Variants in PRKN observed in about 807,000 individuals in gnomAD.
The protein encoded by PRKN is E3 ubiquitin-protein ligase parkin.
Under a neutral mutation model 59.5 loss-of-function variants are expected in PRKN, and 56 were observed. The observed-to-expected ratio is 0.94, with a 90% CI of 0.76 to 1.18. The LOEUF (loss-of-function observed/expected upper bound fraction) is 1.18. Among genes scored for constraint, PRKN ranks in the 50% most tolerant of loss-of-function variants. PRKN has a pLI of 0.00. For missense variants in PRKN, 657 were observed against 596.4 expected (o/e 1.10, Z -1.06); for synonymous variants, 250 against 222.1 (o/e 1.13, Z -1.12).
chr6:162,516,055 C>A (rs189640110), intron 1 of PRKN, among the ~76,000 whole-genome samples: 64 of 152,314 alleles, frequency 4.2e-4, no homozygotes, highest in South Asian at 1.7e-3. Flanking sequence ...GCTAATGCAG[C>A]GATTGCTGTG....
At chr6:161,501,975 C>T (rs148712482) in intron 9 of PRKN, among the ~76,000 whole-genome samples, 138 of 152,250 alleles carry the variant, frequency 9.1e-4, no homozygotes, top group African/African-American at 3.2e-3. Flanking sequence ...TTCTAAGATG[C>T]GCTGTCAGTG....
chr6:161,984,545 A>C (rs1781366393), intron 5 of PRKN, among the ~76,000 whole-genome samples: 1 of 151,988 alleles, frequency 6.6e-6, no homozygotes, highest in Admixed American at 6.6e-5. Context: ...AGCCACCCTA[A>C]TCCCTGGCTG....
chr6:161,421,343 T>C (rs1027193735), intron 9 of PRKN, among the ~76,000 whole-genome samples: 7 of 152,196 alleles, frequency 4.6e-5, no homozygotes, highest in East Asian at 1.9e-4. Flanking sequence ...TGAGTAGATA[T>C]AGAATTTCCA....
chr6:162,549,612 A>G (rs1199415921), intron 1 of PRKN, among the ~76,000 whole-genome samples: 1 of 151,740 alleles, frequency 6.6e-6, no homozygotes, highest in Non-Finnish European at 1.5e-5. Flanking sequence ...TAGAAAGACA[A>G]AACTAATAGT....
intron 6 of PRKN, among the ~76,000 whole-genome samples, chr6:161,900,910 T>TTA (rs377407497): frequency 0.091 from 12,620 of 138,636 alleles, 800 homozygotes; most frequent in African/African-American, 0.17. Context: ...ATATGTTAAA[T>TTA]TGTATATATA....
chr6:161,878,072 A>T (rs529557260), intron 6 of PRKN, among the ~76,000 whole-genome samples: 19 of 152,206 alleles, frequency 1.2e-4, no homozygotes, highest in Non-Finnish European at 2.4e-4. Context: ...TGTGTCAAAG[A>T]GCCATGGATT....
intron 2 of PRKN, among the ~76,000 whole-genome samples, chr6:162,339,271 G>A (rs1391241651): frequency 5.0e-4 from 70 of 140,840 alleles, no homozygotes; most frequent in African/African-American, 1.8e-3. Context: ...CCGGCCAGCC[G>A]CCCCGTCCGG....
intron 3 of PRKN, among the ~76,000 whole-genome samples, chr6:162,207,321 G>A (rs940792269): frequency 2.0e-5 from 3 of 152,096 alleles, no homozygotes; most frequent in Non-Finnish European, 4.4e-5. Flanking sequence ...GAAGTGAGCT[G>A]AGATCCCATC....
chr6:161,369,379 G>A lies in PRKN; in HGVS notation c.1168-9174C>T, dbSNP rs576322763. Reference sequence around the variant, plus strand: ...GGGTTGCGAGGGGCGGGAGGTTTGGGAACCATTCATCCTCTGGAGGGCGAT... The same window carrying A: ...GGGTTGCGAGGGGCGGGAGGTTTGGAAACCATTCATCCTCTGGAGGGCGAT... On this transcript the variant is annotated intron_variant, in intron 10 of 11. Transcript: ENST00000366898. The surrounding 1 kb of genome is among the most constrained non-coding windows in gnomAD (Gnocchi z 5.8). Among the ~76,000 whole-genome samples, 199 of 152,302 alleles carry A rather than the reference G, an allele frequency of 1.3e-3. No homozygotes were observed. Among genetic ancestry groups the A allele is most frequent in the Middle Eastern group, 3.4e-3 (1 of 294 alleles).
At chr6:161,710,164 C>T (rs1352149435) in intron 7 of PRKN, among the ~76,000 whole-genome samples, 1 of 151,390 alleles carries the variant, frequency 6.6e-6, no homozygotes, top group East Asian at 1.9e-4. Flanking sequence ...CCCCATGAAG[C>T]TTTGTCAATT....
intron 1 of PRKN, among the ~76,000 whole-genome samples, chr6:162,663,513 T>C (rs1228979153): frequency 6.6e-6 from 1 of 152,000 alleles, no homozygotes; most frequent in Non-Finnish European, 1.5e-5. Flanking sequence ...GAGGAAACAA[T>C]CACAAAACGA....
chr6:162,478,401 T>A (rs1386931507), intron 1 of PRKN, among the ~76,000 whole-genome samples: 1 of 152,120 alleles, frequency 6.6e-6, no homozygotes, highest in Non-Finnish European at 1.5e-5. Flanking sequence ...GTCTGTTCAT[T>A]AAACGCACAG....
intron 1 of PRKN, among the ~76,000 whole-genome samples, chr6:162,566,297 A>G (rs1380869133): frequency 6.9e-6 from 1 of 145,704 alleles, no homozygotes; most frequent in Non-Finnish European, 1.5e-5. Context: ...ATCAGAGCAG[A>G]AATAAATAAA....
chr6:162,127,604 A>T (rs746572989), intron 4 of PRKN, among the ~76,000 whole-genome samples: 1 of 152,336 alleles, frequency 6.6e-6, no homozygotes, highest in South Asian at 2.1e-4. Flanking sequence ...ATCAAATGAG[A>T]AAAGAAACAT....
In PRKN at chr6:161,428,492, C is replaced by T. The variant is rs540147549; in HGVS notation, c.1084-41615G>A. 1.2e-4 allele frequency among the ~76,000 whole-genome samples: 19 copies of T among 152,280 alleles called. No individual in the cohort carries two copies. Among genetic ancestry groups the T allele is most frequent in the South Asian group, 4.1e-4 (2 of 4,834 alleles). ...GTCCATCTTCGAACCTGGCTGGCAT[C>T]GCAGATGCCCGTGCCCAGGGCAGCA... On this transcript the variant is annotated intron_variant, in intron 9 of 11. Transcript: ENST00000366898. The surrounding 1 kb of genome is among the most constrained non-coding windows in gnomAD (Gnocchi z 4.0).
chr6:161,927,056 T>G (rs1168030801), intron 6 of PRKN, among the ~76,000 whole-genome samples: 1 of 152,190 alleles, frequency 6.6e-6, no homozygotes, highest in African/African-American at 2.4e-5. Context: ...ATTACAGTTT[T>G]AGATACTTCG....
At chr6:162,427,191 A>C (rs1789276632) in intron 2 of PRKN, among the ~76,000 whole-genome samples, 1 of 152,236 alleles carries the variant, frequency 6.6e-6, no homozygotes, top group South Asian at 2.1e-4. Context: ...AAAGTCTGAA[A>C]ATATTAAACG....
intron 4 of PRKN, among the ~76,000 whole-genome samples, chr6:162,096,694 G>A (rs1204620054): frequency 1.3e-5 from 2 of 151,938 alleles, no homozygotes; most frequent in Non-Finnish European, 2.9e-5. Context: ...CTGCCGCCAT[G>A]TAAGATGTGC....
chr6:162,685,844 T>C (rs1259859069), intron 1 of PRKN, among the ~76,000 whole-genome samples: 1 of 152,156 alleles, frequency 6.6e-6, no homozygotes, highest in African/African-American at 2.4e-5. Flanking sequence ...TTCCCTGTTT[T>C]TCCCTCTCAG....
Sources: allele counts gnomAD v4.1 joint callset (sites outside exome capture counted in the v4.1 genomes callset), GRCh38; gene constraint gnomAD v4.1.1; non-coding constraint Gnocchi (gnomAD v3.1); transcripts MANE v1.5; gene names NCBI Gene and HGNC (gene_info 2026-07-23, HGNC 2026-07-21).